The following FGGY variants were observed in gnomAD, a reference collection of about 807,000 sequenced individuals.
FGGY encodes FGGY carbohydrate kinase domain containing, also known as FGGY carbohydrate kinase domain-containing protein.
In FGGY, 72 loss-of-function variants were observed where a neutral mutation model predicts 71.3. The ratio of observed to expected loss-of-function variants is 1.01; its 90% CI spans 0.84 to 1.23. FGGY has a LOEUF of 1.23. Among genes scored for constraint, FGGY ranks in the 50% most tolerant of loss-of-function variants. The pLI, the probability that FGGY is intolerant of heterozygous loss-of-function variation, is 0.00. For synonymous variants in FGGY, 251 were observed against 250.3 expected, an observed-to-expected ratio of 1.00 and a Z score of -0.02; for missense variants, 668 against 682.3, an observed-to-expected ratio of 0.98 and a Z score of 0.23.
At position 59,700,866 on chromosome 1, in the gene FGGY, C is replaced by A. The variant is rs1285075304; in HGVS notation, c.1512+26733C>A. ...GAGGCCCTCCTGAGGAAGGGATGTT[C>A]GTGGTGAGTCCCAAATGACAGAAAG... On this transcript the variant is annotated intron_variant, in intron 14 of 15. Transcript: ENST00000303721. Among the ~76,000 whole-genome samples the A allele has an allele frequency of 1.3e-5, 2 of 152,048 alleles. 1 individual carries two copies.
chr1:59,670,783 A>G (rs2097370705), intron 13 of FGGY, among the ~76,000 whole-genome samples: 2 of 152,174 alleles, frequency 1.3e-5, no homozygotes, highest in South Asian at 4.1e-4. Context: ...CCTGCTCTGT[A>G]CAAGCAGGGA....
intron 14 of FGGY, among the ~76,000 whole-genome samples, chr1:59,747,446 G>A (rs1376525236): frequency 2.6e-5 from 4 of 152,164 alleles, no homozygotes; most frequent in South Asian, 4.1e-4. Flanking sequence ...AAAACACTGT[G>A]GGTATATTCT....
intron 8 of FGGY, among the ~76,000 whole-genome samples, chr1:59,585,303 T>C (rs1274571785): frequency 1.3e-5 from 2 of 152,174 alleles, no homozygotes; most frequent in Non-Finnish European, 2.9e-5. Context: ...AATAGCATGG[T>C]ACTGGTACCA....
At chr1:59,618,844 G>A (rs12727131) in intron 9 of FGGY, among the ~76,000 whole-genome samples, 15,080 of 151,978 alleles carry the variant, frequency 0.099, 856 homozygotes, top group South Asian at 0.29. Flanking sequence ...AGGTCAATTA[G>A]CATTGACACG....
intron 5 of FGGY, among the ~76,000 whole-genome samples, chr1:59,409,358 G>C (rs1453142364): frequency 6.6e-6 from 1 of 152,092 alleles, no homozygotes; most frequent in Non-Finnish European, 1.5e-5. Flanking sequence ...GCCTGTGGAT[G>C]GTTTAGACAG....
intron 6 of FGGY, among the ~76,000 whole-genome samples, chr1:59,509,435 C>A (rs571013675): frequency 1.3e-5 from 2 of 152,306 alleles, no homozygotes; most frequent in East Asian, 3.9e-4. Flanking sequence ...TGGCTTAATG[C>A]TCCTTTAGTG....
chr1:59,320,034 A>C (rs1262203892), intron 1 of FGGY, among the ~76,000 whole-genome samples: 1 of 152,178 alleles, frequency 6.6e-6, no homozygotes, highest in Non-Finnish European at 1.5e-5. Flanking sequence ...GGTCATATGG[A>C]GGTCCCCAAG....
intron 5 of FGGY, among the ~76,000 whole-genome samples, chr1:59,426,983 C>T (rs946574): frequency 0.21 from 31,349 of 152,024 alleles, 3,223 homozygotes; most frequent in African/African-American, 0.25. Context: ...GCCAAGCATG[C>T]TGGGGACTTG....
intron 4 of FGGY, among the ~76,000 whole-genome samples, chr1:59,378,263 G>A (rs1571298583): frequency 2.0e-5 from 3 of 152,000 alleles, no homozygotes; most frequent in East Asian, 3.9e-4. Flanking sequence ...AATCATGAGG[G>A]CAGTTTTCCC....
intron 5 of FGGY, among the ~76,000 whole-genome samples, chr1:59,409,600 AT>A (rs2063302239): frequency 3.5e-5 from 2 of 56,862 alleles, no homozygotes; most frequent in African/African-American, 1.8e-4. Flanking sequence ...AGAGTTTTTT[AT>A]ATATATATAT....
chr1:59,510,751 C>T (rs751155796), intron 6 of FGGY, among the ~76,000 whole-genome samples: 1 of 152,130 alleles, frequency 6.6e-6, no homozygotes, highest in Non-Finnish European at 1.5e-5. Context: ...ATTTTACATT[C>T]ATTTTTCCAG....
chr1:59,739,208 T>C (rs936682309), intron 14 of FGGY, among the ~76,000 whole-genome samples: 12 of 152,252 alleles, frequency 7.9e-5, no homozygotes, highest in Non-Finnish European at 1.5e-4. Context: ...TGAGTTTATA[T>C]ATTGGGGGTA....
intron 4 of FGGY, among the ~76,000 whole-genome samples, 183 bp from the exon 5 acceptor site, chr1:59,378,566 T>A (rs1038272764): frequency 1.3e-5 from 2 of 152,294 alleles, no homozygotes; most frequent in Non-Finnish European, 2.9e-5. Context: ...TCAAGCATTG[T>A]CAGTTTTTCT....
intron 10 of FGGY, among the ~76,000 whole-genome samples, chr1:59,633,585 T>TA (rs11397093): frequency 0.077 from 11,727 of 152,144 alleles, 1,222 homozygotes; most frequent in African/African-American, 0.24. Flanking sequence ...GGGTTTTAGA[T>TA]GGTGTGGGAG....
At chr1:59,443,763 T>C (rs1295754741) in intron 5 of FGGY, among the ~76,000 whole-genome samples, 4 of 152,212 alleles carry the variant, frequency 2.6e-5, no homozygotes, top group Non-Finnish European at 4.4e-5. Flanking sequence ...TGAGTCAGAC[T>C]GAGATAGGTA....
intron 14 of FGGY, among the ~76,000 whole-genome samples, chr1:59,691,822 T>TA (rs1015906319): frequency 2.0e-5 from 3 of 152,116 alleles, no homozygotes; most frequent in Non-Finnish European, 4.4e-5. Context: ...ATTGGATTTG[T>TA]AAAAAACCCC....
chr1:59,495,704 A>G (rs2094008568), intron 6 of FGGY, among the ~76,000 whole-genome samples: 1 of 152,060 alleles, frequency 6.6e-6, no homozygotes, highest in Admixed American at 6.6e-5. Context: ...GCATATGGCT[A>G]GTTATCCCAG....
chr1:59,633,748 A>G (rs2096930528), intron 10 of FGGY, among the ~76,000 whole-genome samples: 2 of 152,192 alleles, frequency 1.3e-5, no homozygotes, highest in Admixed American at 6.5e-5. Context: ...AAAGAAATGG[A>G]CAGGAGTTAA....
intron 8 of FGGY, among the ~76,000 whole-genome samples, chr1:59,569,555 A>G (rs2095943253): frequency 6.6e-6 from 1 of 152,180 alleles, no homozygotes; most frequent in Non-Finnish European, 1.5e-5. Flanking sequence ...AAAGAACCAC[A>G]TAACACAGCT....
Sources: allele counts gnomAD v4.1 joint callset (sites outside exome capture counted in the v4.1 genomes callset), GRCh38; gene constraint gnomAD v4.1.1; transcripts MANE v1.5; gene names NCBI Gene and HGNC (gene_info 2026-07-23, HGNC 2026-07-21).